FAM168A: variants seen among roughly 807,000 people sequenced by gnomAD.
FAM168A encodes protein FAM168A.
FAM168A carries 3 observed loss-of-function variants against 28.5 expected under a neutral mutation model. The observed-to-expected ratio is 0.11, with a 90% CI of 0.05 to 0.27. FAM168A has a LOEUF of 0.27. Ranked by LOEUF, FAM168A falls within the 10% of genes least tolerant of loss-of-function variation. FAM168A has a pLI of 1.00. For missense variants in FAM168A, 222 were observed against 311.5 expected (o/e 0.71, Z 2.16); for synonymous variants, 122 against 124.2 (o/e 0.98, Z 0.12).
chr11:73,432,902 A>G (rs1204470695), intron 2 of FAM168A, among the ~76,000 whole-genome samples: 1 of 151,978 alleles, frequency 6.6e-6, no homozygotes, highest in African/African-American at 2.4e-5. Context: ...TAAAAATAAA[A>G]TAAAACAATT....
intron 2 of FAM168A, among the ~76,000 whole-genome samples, chr11:73,463,072 G>A (rs1040800482): frequency 1.3e-5 from 2 of 151,856 alleles, no homozygotes; most frequent in Non-Finnish European, 2.9e-5. Context: ...AGGTTCCAGC[G>A]ATTCTCATGC....
chr11:73,585,627 G>A (rs1213623764), intron 1 of FAM168A, among the ~76,000 whole-genome samples: 3 of 152,080 alleles, frequency 2.0e-5, no homozygotes, highest in Non-Finnish European at 4.4e-5. Flanking sequence ...CAACACTTTG[G>A]GAGGCCAAGG....
At chr11:73,407,337 G>A (rs1866523977) in intron 7 of FAM168A, among the ~76,000 whole-genome samples, 176 bp downstream of exon 7, 1 of 152,210 alleles carries the variant, frequency 6.6e-6, no homozygotes, top group East Asian at 1.9e-4. Flanking sequence ...GCAGTCAACA[G>A]AAGTGATAGC....
At chr11:73,497,310 C>T (rs1287173210) in intron 1 of FAM168A, among the ~76,000 whole-genome samples, 2 of 151,960 alleles carry the variant, frequency 1.3e-5, no homozygotes, top group African/African-American at 2.4e-5. Flanking sequence ...ACTAAAAATA[C>T]AAAAATTAGC....
intron 1 of FAM168A, among the ~76,000 whole-genome samples, chr11:73,508,353 T>G (rs991122593): frequency 1.3e-5 from 2 of 152,226 alleles, no homozygotes; most frequent in Non-Finnish European, 2.9e-5. Context: ...ACAGTTGTCT[T>G]ACACAACATA....
chr11:73,537,506 T>A (rs987088291), intron 1 of FAM168A, among the ~76,000 whole-genome samples: 1 of 151,762 alleles, frequency 6.6e-6, no homozygotes, highest in African/African-American at 2.4e-5. Flanking sequence ...GGAGGCAGAG[T>A]GAGAGTGGCT....
intron 1 of FAM168A, among the ~76,000 whole-genome samples, chr11:73,596,960 C>G (rs1453945090): frequency 6.6e-6 from 1 of 152,150 alleles, no homozygotes; most frequent in African/African-American, 2.4e-5. Context: ...ACTTTGCTCA[C>G]CCCTGCCGCT....
chr11:73,404,024 C>T lies in FAM168A; in HGVS notation c.*2739G>A, dbSNP rs977365382. On this transcript the variant is annotated 3_prime_UTR_variant, in exon 8 of 8. Coordinates refer to ENST00000356467, the MANE Select transcript of FAM168A (RefSeq NM_015159.3). ...GGCTCTGTCACTTATTAGCAAGTCA[C>T]TTGACTTTTCCAAGCCTTGATTTCC... is the stretch of plus-strand genomic sequence containing the variant. The T allele has an allele frequency of 2.0e-5, 3 of 152,200 alleles. No homozygotes were observed. Among genetic ancestry groups the T allele is most frequent in the African/African-American group, 7.2e-5 (3 of 41,442 alleles). The allele number at this position is 152,200 out of a possible 1,614,324, so 9.4% of individuals were successfully genotyped here.
chr11:73,492,249 AG>A (rs1265682108), intron 1 of FAM168A, among the ~76,000 whole-genome samples: 2 of 152,364 alleles, frequency 1.3e-5, no homozygotes, highest in Admixed American at 1.3e-4. Flanking sequence ...TAGACAAAAA[AG>A]AATGCCACAC....
At chr11:73,512,595 T>A (rs1238094310) in intron 1 of FAM168A, among the ~76,000 whole-genome samples, 1 of 151,898 alleles carries the variant, frequency 6.6e-6, no homozygotes, top group African/African-American at 2.4e-5. Context: ...TAAAGCTATT[T>A]TATTAAAAAA....
chr11:73,537,825 A>G (rs1943600866), intron 1 of FAM168A, among the ~76,000 whole-genome samples: 1 of 152,210 alleles, frequency 6.6e-6, no homozygotes, highest in East Asian at 1.9e-4. Context: ...TCACTTCCCA[A>G]TTCCCAATGA....
intron 1 of FAM168A, among the ~76,000 whole-genome samples, chr11:73,578,664 C>G (rs1000107295): frequency 2.0e-5 from 3 of 152,128 alleles, no homozygotes; most frequent in Non-Finnish European, 4.4e-5. Context: ...TTTTAAATAC[C>G]CAAGAATAAC....
At chr11:73,460,850 T>C (rs1378529758) in intron 2 of FAM168A, among the ~76,000 whole-genome samples, 6 of 152,106 alleles carry the variant, frequency 3.9e-5, no homozygotes, top group Non-Finnish European at 8.8e-5. Context: ...CCCTACTTTA[T>C]AGAAGAAACT....
At chr11:73,529,274 T>C (rs1347113363) in intron 1 of FAM168A, among the ~76,000 whole-genome samples, 1 of 152,224 alleles carries the variant, frequency 6.6e-6, no homozygotes, top group Non-Finnish European at 1.5e-5. Flanking sequence ...CCTGTTCAAA[T>C]TTTAGAACAG....
At chr11:73,573,992 T>C (rs1944140920) in intron 1 of FAM168A, among the ~76,000 whole-genome samples, 1 of 151,696 alleles carries the variant, frequency 6.6e-6, no homozygotes, top group Non-Finnish European at 1.5e-5. Flanking sequence ...GGGCATGGCG[T>C]TGCACACCTG....
At chr11:73,502,485 A>C (rs1266370938) in intron 1 of FAM168A, among the ~76,000 whole-genome samples, 1 of 152,212 alleles carries the variant, frequency 6.6e-6, no homozygotes, top group East Asian at 1.9e-4. Context: ...AGAAGTCTGA[A>C]ATTGAGGCAG....
intron 1 of FAM168A, among the ~76,000 whole-genome samples, chr11:73,534,286 T>C (rs1943549258): frequency 6.6e-6 from 1 of 152,182 alleles, no homozygotes; most frequent in African/African-American, 2.4e-5. Flanking sequence ...GGAAAATGAA[T>C]ACTAAGTCAG....
intron 1 of FAM168A, among the ~76,000 whole-genome samples, chr11:73,503,868 A>G (rs1444526688): frequency 6.6e-6 from 1 of 152,220 alleles, no homozygotes. Context: ...CAAACATCTG[A>G]TCTTCAACAA....
intron 1 of FAM168A, among the ~76,000 whole-genome samples, chr11:73,500,256 CTTTTTTTTTTT>C (rs57040993): frequency 8.2e-6 from 1 of 122,596 alleles, no homozygotes; most frequent in Non-Finnish European, 1.7e-5. Context: ...CCCAGAATTC[CTTTTTTTTTTT>C]TTTTTTTTTG....
Sources: gnomAD v4.1 joint callset for allele counts (sites outside exome capture counted in the v4.1 genomes callset) on GRCh38, gnomAD v4.1.1 for gene constraint, MANE v1.5 for transcripts, NCBI Gene and HGNC (gene_info 2026-07-23, HGNC 2026-07-21) for gene names.